Variants in TNFSF4 observed in about 807,000 individuals in gnomAD.
The protein encoded by TNFSF4 is TNF superfamily member 4.
Under a neutral mutation model 7.3 loss-of-function variants are expected in TNFSF4, and 4 were observed. The ratio of observed to expected loss-of-function variants is 0.55; its 90% confidence interval spans 0.27 to 1.25. The LOEUF (loss-of-function observed/expected upper bound fraction) is 1.25. Ranked by LOEUF, TNFSF4 falls within the 50% of genes most tolerant of loss-of-function variation. The probability of loss-of-function intolerance (pLI) is 0.12; values close to 1 mark genes in which losing one functional copy is unlikely to be tolerated. For synonymous variants in TNFSF4, 76 were observed against 83.7 expected (o/e 0.91, Z 0.50); for missense variants, 181 against 208.8 (o/e 0.87, Z 0.82).
the TNFSF4 span, among the ~76,000 whole-genome samples, chr1:173,250,736 G>A: frequency 6.6e-6 from 1 of 152,152 alleles, no homozygotes; most frequent in African/African-American, 2.4e-5. Context: ...TGGGATTACA[G>A]GCGTGAGCCA....
chr1:173,274,143 A>G, the TNFSF4 span, among the ~76,000 whole-genome samples: 1 of 151,858 alleles, frequency 6.6e-6, no homozygotes, highest in South Asian at 2.1e-4. Flanking sequence ...ACACACACAC[A>G]CACACACACA....
the TNFSF4 span, among the ~76,000 whole-genome samples, chr1:173,354,021 A>AC: frequency 7.7e-5 from 7 of 91,278 alleles, no homozygotes; most frequent in Non-Finnish European, 1.2e-4. Context: ...ACACACACAC[A>AC]AAAAAAAAAA....
At chr1:173,348,650 T>G in the TNFSF4 span, among the ~76,000 whole-genome samples, 1 of 152,034 alleles carries the variant, frequency 6.6e-6, no homozygotes, top group African/African-American at 2.4e-5. Flanking sequence ...ATAAAGTGTA[T>G]AAACCCCTAG....
intron 1 of TNFSF4, among the ~76,000 whole-genome samples, chr1:173,195,185 C>T (rs1402235437): frequency 1.3e-5 from 2 of 152,084 alleles, no homozygotes; most frequent in Non-Finnish European, 2.9e-5. Flanking sequence ...ATCTGAGGGT[C>T]CTAAATTAAC....
chr1:173,200,384 C>T (rs894390710), intron 1 of TNFSF4, among the ~76,000 whole-genome samples: 13 of 152,184 alleles, frequency 8.5e-5, no homozygotes, highest in African/African-American at 2.9e-4. Flanking sequence ...AGATGAGAGA[C>T]TGTTACTGCA....
chr1:173,250,105 G>A, the TNFSF4 span, among the ~76,000 whole-genome samples: 10 of 152,084 alleles, frequency 6.6e-5, no homozygotes, highest in Admixed American at 6.5e-4. Flanking sequence ...CTCCCTGTTC[G>A]TCAGTGCACC....
At chr1:173,270,163 C>A in the TNFSF4 span, among the ~76,000 whole-genome samples, 102 of 151,950 alleles carry the variant, frequency 6.7e-4, no homozygotes, top group Non-Finnish European at 1.9e-4. Flanking sequence ...ATGGGGAAGA[C>A]CATGAGAGGA....
the TNFSF4 span, among the ~76,000 whole-genome samples, chr1:173,390,644 A>G: frequency 6.6e-6 from 1 of 152,216 alleles, no homozygotes; most frequent in East Asian, 1.9e-4. Flanking sequence ...TCTCAAACCT[A>G]AATCACTATA....
chr1:173,428,286 C>G, the TNFSF4 span, among the ~76,000 whole-genome samples: 5 of 152,236 alleles, frequency 3.3e-5, no homozygotes, highest in Middle Eastern at 3.4e-3. Context: ...AATGGTTCAT[C>G]GTTGACAGAA....
chr1:173,317,547 A>G, the TNFSF4 span, among the ~76,000 whole-genome samples: 313 of 152,356 alleles, frequency 2.1e-3, no homozygotes, highest in Non-Finnish European at 1.8e-3. Context: ...TAAAAGAAAG[A>G]AACTAGATTT....
At chr1:173,447,716 G>GA in the TNFSF4 span, among the ~76,000 whole-genome samples, 246 of 152,056 alleles carry the variant, frequency 1.6e-3, no homozygotes, top group Middle Eastern at 6.8e-3. Flanking sequence ...AATAGAAAGG[G>GA]AAAACAGAGG....
At chr1:173,408,815 T>C in the TNFSF4 span, among the ~76,000 whole-genome samples, 42,633 of 151,928 alleles carry the variant, frequency 0.28, 7,448 homozygotes, top group African/African-American at 0.47. Context: ...GTCTCAAACT[T>C]CTGGCCTAAA....
chr1:173,298,689 C>T, the TNFSF4 span, among the ~76,000 whole-genome samples: 1 of 151,878 alleles, frequency 6.6e-6, no homozygotes, highest in Non-Finnish European at 1.5e-5. Context: ...CAGCAGTGTA[C>T]AAAAGGCCTT....
At chr1:173,437,386 TATTA>T in the TNFSF4 span, among the ~76,000 whole-genome samples, 3 of 152,240 alleles carry the variant, frequency 2.0e-5, no homozygotes, top group Admixed American at 6.5e-5. Flanking sequence ...AATAGCTTAT[TATTA>T]ATTATTTGCT....
the TNFSF4 span, among the ~76,000 whole-genome samples, chr1:173,177,997 G>A: frequency 6.6e-6 from 1 of 151,984 alleles, no homozygotes; most frequent in Non-Finnish European, 1.5e-5. Flanking sequence ...AGAAAAACTA[G>A]CCACCATTAA....
At chr1:173,388,232 T>C in the TNFSF4 span, among the ~76,000 whole-genome samples, 2 of 152,248 alleles carry the variant, frequency 1.3e-5, no homozygotes, top group Admixed American at 6.5e-5. Context: ...GGTACACTTG[T>C]TCCATACCAA....
the TNFSF4 span, among the ~76,000 whole-genome samples, chr1:173,402,845 G>T: frequency 6.6e-6 from 1 of 150,596 alleles, no homozygotes; most frequent in Non-Finnish European, 1.5e-5. Context: ...TGAGGCCTGA[G>T]AATTTGCATT....
At chr1:173,226,015 TGA>T in the TNFSF4 span, among the ~76,000 whole-genome samples, 1 of 152,232 alleles carries the variant, frequency 6.6e-6, no homozygotes, top group Non-Finnish European at 1.5e-5. Context: ...TCATTTTATC[TGA>T]ATTTATAAAA....
the TNFSF4 span, among the ~76,000 whole-genome samples, chr1:173,436,822 T>C: frequency 6.6e-6 from 1 of 152,182 alleles, no homozygotes; most frequent in Non-Finnish European, 1.5e-5. Context: ...TGTCCAGAAA[T>C]GTGTCCCAGC....
Sources: allele counts gnomAD v4.1 joint callset (sites outside exome capture counted in the v4.1 genomes callset), GRCh38; gene constraint gnomAD v4.1.1; transcripts MANE v1.5; gene names NCBI Gene and HGNC (gene_info 2026-07-23, HGNC 2026-07-21).